Variants in WWOX observed in about 807,000 individuals in gnomAD.
WWOX encodes WW domain-containing oxidoreductase.
In WWOX, 69 loss-of-function variants were observed where a neutral mutation model predicts 46.2. The observed-to-expected ratio is 1.49, with a 90% CI of 1.23 to 1.82. WWOX has a LOEUF of 1.82. WWOX is among the 40% of genes most tolerant of loss of function. The probability of loss-of-function intolerance (pLI) is 0.00; values close to 1 mark genes in which losing one functional copy is unlikely to be tolerated. For synonymous variants in WWOX, 359 were observed against 202.6 expected (o/e 1.77, Z -6.56); for missense variants, 919 against 542.6 (o/e 1.69, Z -6.89).
chr16:78,786,478 A>C (rs150941332), intron 8 of WWOX, among the ~76,000 whole-genome samples: 67 of 152,346 alleles, frequency 4.4e-4, no homozygotes, highest in African/African-American at 1.5e-3. Context: ...ATGAGTTTTG[A>C]GTACTTAGTA....
At chr16:78,435,074 T>C (rs546387181) in intron 8 of WWOX, among the ~76,000 whole-genome samples, 1 of 152,272 alleles carries the variant, frequency 6.6e-6, no homozygotes, top group African/African-American at 2.4e-5. Context: ...GCAAATTAAG[T>C]TGGATCGGTG....
At position 78,632,758 on chromosome 16, in the gene WWOX, A is replaced by C. The variant is rs191686748; in HGVS notation, c.1056+200006A>C. Reference sequence around the variant, plus strand: ...TTTTTAGTAGAGTTGGGATTTCTCCATGTTGGTCAGACTGGTCTCGAACTC... The same window carrying C: ...TTTTTAGTAGAGTTGGGATTTCTCCCTGTTGGTCAGACTGGTCTCGAACTC... On this transcript the variant is annotated intron_variant, in intron 8 of 8. Transcript: ENST00000566780. Among the ~76,000 whole-genome samples the C allele has an allele frequency of 8.7e-3, 1,311 of 151,490 alleles. 12 individuals are homozygous for C. The highest frequency in any genetic ancestry group is 0.013 in the Non-Finnish European group (874 of 67,874).
At chr16:78,361,620 C>G (rs1390396389) in intron 5 of WWOX, among the ~76,000 whole-genome samples, 1 of 151,886 alleles carries the variant, frequency 6.6e-6, no homozygotes. Flanking sequence ...CTTTTCTTTT[C>G]TTTTTGTTGA....
intron 8 of WWOX, among the ~76,000 whole-genome samples, chr16:78,753,825 A>C (rs4888841): frequency 9.4e-5 from 2 of 21,354 alleles, no homozygotes; most frequent in Non-Finnish European, 2.4e-4. Flanking sequence ...AAAAAAAAAA[A>C]ATATATATAT....
intron 8 of WWOX, among the ~76,000 whole-genome samples, chr16:78,882,687 C>A (rs535762736): frequency 1.3e-5 from 2 of 152,040 alleles, no homozygotes; most frequent in African/African-American, 2.4e-5. Context: ...AGGGGTTTCA[C>A]CTTGCTGGCC....
At chr16:78,867,533 TTGTG>T (rs1411221745) in intron 8 of WWOX, among the ~76,000 whole-genome samples, 1 of 151,368 alleles carries the variant, frequency 6.6e-6, no homozygotes, top group Non-Finnish European at 1.5e-5. Flanking sequence ...TTTTGTTTTT[TTGTG>T]TGTGTGTTTT....
chr16:79,013,222 C>T (rs1567484412), intron 8 of WWOX, among the ~76,000 whole-genome samples: 1 of 152,158 alleles, frequency 6.6e-6, no homozygotes, highest in Non-Finnish European at 1.5e-5. Flanking sequence ...AGAGGCCTTC[C>T]TCTGTGCATC....
At chr16:78,420,652 T>TGG (rs34824749) in intron 6 of WWOX, among the ~76,000 whole-genome samples, 9,549 of 54,028 alleles carry the variant, frequency 0.18, 1,120 homozygotes, top group African/African-American at 0.54. Context: ...TGATTGCTAA[T>TGG]TTTTTTTTTT....
At chr16:78,603,580 G>A (rs1331244977) in intron 8 of WWOX, among the ~76,000 whole-genome samples, 1 of 152,172 alleles carries the variant, frequency 6.6e-6, no homozygotes, top group East Asian at 1.9e-4. Flanking sequence ...TGTAGTCCCA[G>A]CTACTCAGGA....
At chr16:78,299,570 G>A (rs1229465376) in intron 5 of WWOX, among the ~76,000 whole-genome samples, 3 of 149,526 alleles carry the variant, frequency 2.0e-5, no homozygotes. Flanking sequence ...CCAGCCTGGA[G>A]TGCAGTGGCG....
chr16:78,879,333 T>A (rs2044295795), intron 8 of WWOX, among the ~76,000 whole-genome samples: 1 of 152,184 alleles, frequency 6.6e-6, no homozygotes, highest in South Asian at 2.1e-4. Context: ...CCTCTGATGT[T>A]GACAACATGA....
At chr16:79,156,558 G>A (rs1217373241) in intron 8 of WWOX, among the ~76,000 whole-genome samples, 1 of 152,156 alleles carries the variant, frequency 6.6e-6, no homozygotes, top group Non-Finnish European at 1.5e-5. Flanking sequence ...GAATTCTTAA[G>A]CTTCAGAAGA....
intron 5 of WWOX, among the ~76,000 whole-genome samples, chr16:78,235,411 C>T (rs757689177): frequency 2.0e-5 from 3 of 152,068 alleles, no homozygotes; most frequent in South Asian, 2.1e-4. Context: ...GAGGTGCACT[C>T]AGGATGCTCT....
intron 8 of WWOX, among the ~76,000 whole-genome samples, chr16:79,149,716 C>T (rs1232369456): frequency 1.3e-5 from 2 of 152,226 alleles, no homozygotes; most frequent in African/African-American, 4.8e-5. Context: ...CTGCCACAGA[C>T]TACATTTAGG....
intron 8 of WWOX, among the ~76,000 whole-genome samples, chr16:79,036,090 C>T (rs938025949): frequency 2.0e-5 from 3 of 152,212 alleles, no homozygotes; most frequent in African/African-American, 7.2e-5. Context: ...CTGCTCTCTC[C>T]ATTTCTCATT....
chr16:78,542,830 T>C (rs1013278084), intron 8 of WWOX, among the ~76,000 whole-genome samples: 1 of 152,144 alleles, frequency 6.6e-6, no homozygotes, highest in Non-Finnish European at 1.5e-5. Flanking sequence ...GCAGGGAAAA[T>C]TGAGATGGGA....
chr16:78,104,691 G>A (rs1441373025), intron 1 of WWOX, among the ~76,000 whole-genome samples: 1 of 152,150 alleles, frequency 6.6e-6, no homozygotes, highest in Non-Finnish European at 1.5e-5. Context: ...AGAATGCTTA[G>A]GGGACATGTG....
At chr16:79,021,787 G>A (rs371758980) in intron 8 of WWOX, among the ~76,000 whole-genome samples, 1 of 152,170 alleles carries the variant, frequency 6.6e-6, no homozygotes, top group African/African-American at 2.4e-5. Context: ...TAGGGTTCCA[G>A]CCACAGACCC....
intron 8 of WWOX, among the ~76,000 whole-genome samples, chr16:78,448,506 C>T (rs960945466): frequency 1.3e-5 from 2 of 152,014 alleles, no homozygotes; most frequent in Admixed American, 6.6e-5. Flanking sequence ...GCTGGTGCCC[C>T]AAAAGAATGG....
Sources: allele counts gnomAD v4.1 joint callset (sites outside exome capture counted in the v4.1 genomes callset), GRCh38; gene constraint gnomAD v4.1.1; transcripts MANE v1.5; gene names NCBI Gene and HGNC (gene_info 2026-07-23, HGNC 2026-07-21).